EPHA3: variants seen among roughly 807,000 people sequenced by gnomAD.
EPHA3 encodes ephrin type-A receptor 3.
In EPHA3, 42 loss-of-function variants were observed where a neutral mutation model predicts 107.1. The observed-to-expected ratio is 0.39, with a 90% CI of 0.31 to 0.51. The LOEUF (loss-of-function observed/expected upper bound fraction) is 0.51. EPHA3 is among the 20% of genes least tolerant of loss of function. EPHA3 has a pLI of 0.78. For synonymous variants in EPHA3, 461 were observed against 424.8 expected, an observed-to-expected ratio of 1.09 and a Z score of -1.05; for missense variants, 1,183 against 1,211.2, an observed-to-expected ratio of 0.98 and a Z score of 0.35.
At chr3:89,183,597 C>G (rs1347549131) in intron 2 of EPHA3, among the ~76,000 whole-genome samples, 1 of 151,790 alleles carries the variant, frequency 6.6e-6, no homozygotes, top group Non-Finnish European at 1.5e-5. Flanking sequence ...ACACACATGG[C>G]CTCCAACTTT....
intron 3 of EPHA3, among the ~76,000 whole-genome samples, chr3:89,290,237 C>T (rs1036512952): frequency 6.6e-6 from 1 of 152,042 alleles, no homozygotes; most frequent in Non-Finnish European, 1.5e-5. Flanking sequence ...CCTTTACAAA[C>T]GTATCAAAGT....
At chr3:89,272,885 A>C (rs947469081) in intron 3 of EPHA3, among the ~76,000 whole-genome samples, 1 of 151,938 alleles carries the variant, frequency 6.6e-6, no homozygotes, top group African/African-American at 2.4e-5. Flanking sequence ...TAATAGAATT[A>C]ATGTTCTCTG....
At chr3:89,273,140 T>A (rs1705720038) in intron 3 of EPHA3, among the ~76,000 whole-genome samples, 1 of 151,942 alleles carries the variant, frequency 6.6e-6, no homozygotes, top group Non-Finnish European at 1.5e-5. Context: ...CCAAAATATT[T>A]GATTTCTTAT....
intron 16 of EPHA3, among the ~76,000 whole-genome samples, chr3:89,473,698 C>T (rs1220284044): frequency 1.3e-5 from 2 of 152,184 alleles, no homozygotes; most frequent in Admixed American, 1.3e-4. Context: ...GAAAGTAGGA[C>T]TGGCTCAGTC....
chr3:89,193,094 C>A (rs1241766171), intron 2 of EPHA3, among the ~76,000 whole-genome samples: 4 of 151,872 alleles, frequency 2.6e-5, no homozygotes, highest in Admixed American at 2.6e-4. Context: ...AATTGCATAA[C>A]GTTGTAGTTT....
chr3:89,399,200 C>T, intron 6 of EPHA3, 118 bp from the exon 7 acceptor site: 2 of 945,090 alleles, frequency 2.1e-6, no homozygotes, highest in East Asian at 2.6e-5. Context: ...CTTTTTAAAT[C>T]CATCCTATGA....
chr3:89,254,364 T>G (rs370293399), intron 3 of EPHA3, among the ~76,000 whole-genome samples: 2 of 152,280 alleles, frequency 1.3e-5, no homozygotes, highest in East Asian at 3.9e-4. Flanking sequence ...AGTGATACAT[T>G]TACTCTGAAT....
chr3:89,255,014 A>T (rs1033157899), intron 3 of EPHA3, among the ~76,000 whole-genome samples: 3 of 152,216 alleles, frequency 2.0e-5, no homozygotes, highest in Non-Finnish European at 4.4e-5. Context: ...GATTCAAACA[A>T]TTAATTCATA....
At chr3:89,147,236 G>A (rs758915027) in intron 2 of EPHA3, among the ~76,000 whole-genome samples, 14 of 151,624 alleles carry the variant, frequency 9.2e-5, no homozygotes, top group Admixed American at 4.0e-4. Flanking sequence ...TAATGCATGC[G>A]GGGCTTAAAA....
intron 2 of EPHA3, among the ~76,000 whole-genome samples, chr3:89,137,245 G>C (rs192410822): frequency 6.6e-6 from 1 of 151,870 alleles, no homozygotes; most frequent in East Asian, 1.9e-4. Flanking sequence ...TTGTATGAAG[G>C]ATATAAGAAC....
chr3:89,396,998 T>C (rs1182974509), intron 6 of EPHA3, among the ~76,000 whole-genome samples: 1 of 152,200 alleles, frequency 6.6e-6, no homozygotes, highest in South Asian at 2.1e-4. Context: ...CCTCCTTTAG[T>C]AGGTTTTTCC....
At chr3:89,444,807 A>G (rs1050465144) in intron 13 of EPHA3, among the ~76,000 whole-genome samples, 14 of 152,162 alleles carry the variant, frequency 9.2e-5, no homozygotes, top group Admixed American at 9.2e-4. Flanking sequence ...GGCATCATTT[A>G]CAATATGGTT....
chr3:89,130,861 C>T (rs966027310), intron 2 of EPHA3, among the ~76,000 whole-genome samples: 21 of 152,142 alleles, frequency 1.4e-4, no homozygotes, highest in African/African-American at 4.8e-4. Flanking sequence ...TGGACTCGAT[C>T]TCCTGACCTC....
chr3:89,395,856 G>A lies in EPHA3; in HGVS notation c.1326G>A (p.Thr442=), dbSNP rs552354794. 18 of 1,613,770 alleles carry A rather than the reference G, an allele frequency of 1.1e-5. No individual in the cohort carries two copies. The highest frequency in any genetic ancestry group is 3.3e-5 in the Admixed American group (2 of 59,976). The change falls in exon 6 of 17, where the codon ACG becomes ACA. Residue 442 remains threonine (T), a synonymous_variant. Coordinates refer to ENST00000336596, the MANE Select transcript of EPHA3 (RefSeq NM_005233.6). The part of the protein sequence containing the change: ...TNQAAPSPVL[T]IKKDRTSRNS... ...TTACAGCTCCATCACCTGTCCTGAC[G>A]ATTAAGAAAGATCGGACCTCCAGAA...
At chr3:89,373,485 T>G (rs1424011524) in intron 5 of EPHA3, among the ~76,000 whole-genome samples, 1 of 151,940 alleles carries the variant, frequency 6.6e-6, no homozygotes, top group Non-Finnish European at 1.5e-5. Flanking sequence ...GGCAATGTTA[T>G]TTCAGAAAAT....
intron 2 of EPHA3, among the ~76,000 whole-genome samples, chr3:89,191,099 G>C (rs1488967323): frequency 1.3e-5 from 2 of 151,912 alleles, no homozygotes; most frequent in Non-Finnish European, 2.9e-5. Context: ...CATTGGTGTA[G>C]TAAACATTGA....
intron 5 of EPHA3, among the ~76,000 whole-genome samples, chr3:89,370,555 C>T (rs1168648224): frequency 6.6e-6 from 1 of 151,508 alleles, no homozygotes; most frequent in African/African-American, 2.4e-5. Context: ...ATACTTAATG[C>T]TAAATGACGA....
At chr3:89,182,475 A>G (rs1028379429) in intron 2 of EPHA3, among the ~76,000 whole-genome samples, 1 of 151,962 alleles carries the variant, frequency 6.6e-6, no homozygotes, top group Non-Finnish European at 1.5e-5. Context: ...ATAGATTCTC[A>G]ATTGATTTTC....
intron 3 of EPHA3, among the ~76,000 whole-genome samples, chr3:89,328,395 C>T (rs972658191): frequency 7.9e-5 from 12 of 152,134 alleles, no homozygotes; most frequent in Non-Finnish European, 4.4e-5. Flanking sequence ...TGCATCAGAG[C>T]CAGTCACTTG....
Sources: gnomAD v4.1 joint callset for allele counts (sites outside exome capture counted in the v4.1 genomes callset) on GRCh38, gnomAD v4.1.1 for gene constraint, MANE v1.5 for transcripts, NCBI Gene and HGNC (gene_info 2026-07-23, HGNC 2026-07-21) for gene names.